Variants in SLC6A15 observed in about 807,000 individuals in gnomAD.
The protein encoded by SLC6A15 is solute carrier family 6 member 15.
Under a neutral mutation model 68.5 loss-of-function variants are expected in SLC6A15, and 33 were observed. That is an observed-to-expected ratio of 0.48 (90% CI 0.37 to 0.64). SLC6A15 has a LOEUF of 0.64. Ranked by LOEUF, SLC6A15 falls within the 30% of genes least tolerant of loss-of-function variation. SLC6A15 has a pLI of 0.00. For synonymous variants in SLC6A15, 347 were observed against 301.0 expected (o/e 1.15, Z -1.58); for missense variants, 747 against 874.3 (o/e 0.85, Z 1.84).
At chr12:84,898,581 T>C (rs1525544) in intron 1 of SLC6A15, among the ~76,000 whole-genome samples, 6,272 of 152,280 alleles carry the variant, frequency 0.041, 405 homozygotes, top group African/African-American at 0.14. Flanking sequence ...GGCCAAGTTA[T>C]TAAACTGTGC....
At chr12:84,896,988 C>T (rs1369017756) in intron 1 of SLC6A15, among the ~76,000 whole-genome samples, 6 of 151,968 alleles carry the variant, frequency 3.9e-5, no homozygotes, top group South Asian at 2.1e-4. Context: ...GCCAGGAGTT[C>T]GAGGCCATAC....
chr12:84,911,131 T>TG (rs987334649), intron 1 of SLC6A15, among the ~76,000 whole-genome samples: 2 of 152,124 alleles, frequency 1.3e-5, no homozygotes, highest in Non-Finnish European at 2.9e-5. Flanking sequence ...AGGGGCTTGT[T>TG]GGGGCTGTGT....
chr12:84,866,977 A>C (rs1871091742), intron 10 of SLC6A15, 57 bp downstream of exon 10: 3 of 1,327,024 alleles, frequency 2.3e-6, no homozygotes, highest in Non-Finnish European at 3.0e-6. Flanking sequence ...GAACATTGAT[A>C]ATTGATGTTT....
At chr12:84,899,022 A>G (rs1332363926) in intron 1 of SLC6A15, among the ~76,000 whole-genome samples, 1 of 152,224 alleles carries the variant, frequency 6.6e-6, no homozygotes. Context: ...GGTCTAACTG[A>G]CATTCTAGCA....
At chr12:84,871,241 A>C (rs1357312849) in intron 8 of SLC6A15, among the ~76,000 whole-genome samples, 1 of 151,684 alleles carries the variant, frequency 6.6e-6, no homozygotes, top group Non-Finnish European at 1.5e-5. Context: ...GATTATAAAA[A>C]GCCAATTTTT....
At chr12:84,909,783 GCT>G (rs1444373136) in intron 1 of SLC6A15, among the ~76,000 whole-genome samples, 1 of 152,126 alleles carries the variant, frequency 6.6e-6, no homozygotes, top group Non-Finnish European at 1.5e-5. Context: ...TAGCCACCAA[GCT>G]CTCTTTTGGG....
intron 1 of SLC6A15, among the ~76,000 whole-genome samples, chr12:84,902,552 T>A (rs188899408): frequency 2.9e-4 from 44 of 152,020 alleles, no homozygotes; most frequent in African/African-American, 1.0e-3. Flanking sequence ...TACACAAATG[T>A]CCATAGCAGC....
chr12:84,880,904 TG>T, intron 5 of SLC6A15: 1 of 977,518 alleles, frequency 1.0e-6, no homozygotes, highest in Non-Finnish European at 1.2e-6. Flanking sequence ...TCATTCTTTT[TG>T]AAAATTCTGT....
intron 1 of SLC6A15, among the ~76,000 whole-genome samples, chr12:84,895,939 G>A (rs1872619033): frequency 6.6e-6 from 1 of 152,080 alleles, no homozygotes; most frequent in Non-Finnish European, 1.5e-5. Flanking sequence ...GTTGGCAATT[G>A]CCAAAAATGT....
intron 7 of SLC6A15, 138 bp from the exon 8 acceptor site, chr12:84,872,932 A>C: frequency 8.3e-7 from 1 of 1,203,156 alleles, no homozygotes. Flanking sequence ...GGTGATGACT[A>C]TCCCATTTAC....
At chr12:84,896,120 C>T (rs940097010) in intron 1 of SLC6A15, among the ~76,000 whole-genome samples, 1 of 152,122 alleles carries the variant, frequency 6.6e-6, no homozygotes, top group Non-Finnish European at 1.5e-5. Context: ...TTGTGATAGA[C>T]AATCAACTAA....
At chr12:84,872,156 C>CAA (rs397944851) in intron 8 of SLC6A15, among the ~76,000 whole-genome samples, 2,621 of 90,398 alleles carry the variant, frequency 0.029, 88 homozygotes, top group African/African-American at 0.093. Context: ...GACTACGGCT[C>CAA]AAAAAAAAAA....
At chr12:84,869,312 A>G (rs893505261) in intron 9 of SLC6A15, among the ~76,000 whole-genome samples, 1 of 151,958 alleles carries the variant, frequency 6.6e-6, no homozygotes, top group Non-Finnish European at 1.5e-5. Flanking sequence ...AATACAAAAA[A>G]TTAGCCAAGC....
chr12:84,873,496 C>T (rs112866332), intron 6 of SLC6A15, among the ~76,000 whole-genome samples, 168 bp from the exon 7 acceptor site: 2,875 of 152,004 alleles, frequency 0.019, 77 homozygotes, highest in African/African-American at 0.063. Flanking sequence ...TTTTAGGAAA[C>T]AAATAATTAT....
At chr12:84,892,457 G>A (rs916986480) in intron 1 of SLC6A15, 149 bp from the exon 2 acceptor site, 16 of 176,466 alleles carry the variant, frequency 9.1e-5, no homozygotes, top group South Asian at 3.7e-4. Context: ...TAATATTCCC[G>A]TAAGTATAAG....
chr12:84,912,139 TC>T (rs1873497270), intron 1 of SLC6A15: 1 of 152,230 alleles, frequency 6.6e-6, no homozygotes, highest in Non-Finnish European at 1.5e-5. Context: ...TCTTGGACTT[TC>T]CCGTGTTGGA....
chr12:84,880,140 A>G (rs1295271576), intron 5 of SLC6A15, among the ~76,000 whole-genome samples: 1 of 152,202 alleles, frequency 6.6e-6, no homozygotes, highest in African/African-American at 2.4e-5. Flanking sequence ...AAATAAGTCA[A>G]TATTTCAAAC....
chr12:84,873,292 C>A lies in SLC6A15; in HGVS notation c.904G>T (p.Ala302Ser), dbSNP rs1263416284. The A allele has an allele frequency of 6.2e-7, 1 of 1,614,096 alleles. No individual in the cohort carries two copies. Among genetic ancestry groups the A allele is most frequent in the African/African-American group, 1.3e-5 (1 of 75,050 alleles). Reference sequence around the variant, plus strand: ...AAGGCAAAGAACACTTGAGTAGCAGCTTCTCTCCAGACCTTGGGCTCCAGC... The same window carrying A: ...AAGGCAAAGAACACTTGAGTAGCAGATTCTCTCCAGACCTTGGGCTCCAGC... ...IMLEPKVWREAATQVFFALGL... is the reference protein window; with the variant it reads ...IMLEPKVWRESATQVFFALGL... The change falls in exon 7 of 12, where the codon GCT becomes TCT. Residue 302 changes from alanine (A) to serine (S), a missense_variant. Ala to Ser is a moderately conservative substitution (Grantham distance 99, BLOSUM62 1). Transcript: ENST00000266682.
intron 10 of SLC6A15, among the ~76,000 whole-genome samples, chr12:84,864,492 G>T (rs11116638): frequency 6.6e-6 from 1 of 151,608 alleles, no homozygotes; most frequent in Non-Finnish European, 1.5e-5. Context: ...GCTGATTTTT[G>T]TATTTTTAGT....
Sources: gnomAD v4.1 joint callset for allele counts (sites outside exome capture counted in the v4.1 genomes callset) on GRCh38, gnomAD v4.1.1 for gene constraint, MANE v1.5 for transcripts, NCBI Gene and HGNC (gene_info 2026-07-23, HGNC 2026-07-21) for gene names.